STMN1: variants seen among roughly 807,000 people sequenced by gnomAD.
STMN1 encodes stathmin 1.
STMN1 carries 3 observed loss-of-function variants against 19.7 expected under a neutral mutation model. That is an observed-to-expected ratio of 0.15 (90% CI 0.07 to 0.39). The LOEUF (loss-of-function observed/expected upper bound fraction) is 0.39. STMN1 is among the 10% of genes least tolerant of loss of function. The probability of loss-of-function intolerance (pLI) is 1.00; values close to 1 mark genes in which losing one functional copy is unlikely to be tolerated. For missense variants in STMN1, 99 were observed against 176.0 expected, an observed-to-expected ratio of 0.56 and a Z score of 2.48; for synonymous variants, 59 against 58.9, an observed-to-expected ratio of 1.00 and a Z score of -0.01.
chr1:25,897,457 A>T (rs1300474358), downstream of STMN1, among the ~76,000 whole-genome samples: 1 of 152,196 alleles, frequency 6.6e-6, no homozygotes, highest in Non-Finnish European at 1.5e-5. Flanking sequence ...GGGACAGCTA[A>T]AACATCACTG....
downstream of STMN1, among the ~76,000 whole-genome samples, chr1:25,897,994 T>TG (rs2048833866): frequency 1.3e-5 from 2 of 152,196 alleles, no homozygotes; most frequent in Admixed American, 6.5e-5. Context: ...CTCATCCCTG[T>TG]GCTGCCCCAA....
chr1:25,901,319 G>C, intron 4 of STMN1, 172 bp downstream of exon 4: 2 of 1,114,696 alleles, frequency 1.8e-6, no homozygotes, highest in Non-Finnish European at 2.5e-6. Context: ...GTGCAATTAT[G>C]CTGGGAATTA....
Position 25,900,935 on chromosome 1 carries a change from G to C in STMN1, c.*81C>G. ...AGCTTCTAAAATATTTGTCAGGAGG[G>C]AAAAAATAAAATGACACTGGCCAGT... On this transcript the variant is annotated 3_prime_UTR_variant, in exon 5 of 5. Coordinates refer to ENST00000455785, the MANE Select transcript of STMN1 (RefSeq NM_005563.4). The C allele has an allele frequency of 6.2e-7, 1 of 1,604,402 alleles. No individual in the cohort carries two copies. Among genetic ancestry groups the C allele is most frequent in the Non-Finnish European group, 8.5e-7 (1 of 1,176,118 alleles).
chr1:25,891,055 G>A (rs1443552318), intron 4 of STMN1, among the ~76,000 whole-genome samples: 3 of 152,208 alleles, frequency 2.0e-5, no homozygotes, highest in South Asian at 2.1e-4. Flanking sequence ...AATCGGGGCC[G>A]GGCACAGCAG....
intron 1 of STMN1, chr1:25,904,994 A>T (rs1053224645): frequency 1.4e-4 from 47 of 329,944 alleles, no homozygotes; most frequent in Non-Finnish European, 3.3e-5. Context: ...TTTTAAAATC[A>T]GACAAAGTCA....
chr1:25,895,099 CT>C (rs34587140), intron 4 of STMN1, among the ~76,000 whole-genome samples: 2,953 of 113,248 alleles, frequency 0.026, 32 homozygotes, highest in African/African-American at 0.048. Flanking sequence ...TATTATACGT[CT>C]TTTTTTTTTT....
exon 5 of STMN1, chr1:25,885,521 G>T: frequency 1.6e-6 from 1 of 611,952 alleles, no homozygotes; most frequent in Non-Finnish European, 2.6e-6. Context: ...CACAAGGCAG[G>T]CATTTTCATT....
intron 4 of STMN1, among the ~76,000 whole-genome samples, chr1:25,888,791 G>A (rs1189341148): frequency 6.6e-6 from 1 of 152,154 alleles, no homozygotes; most frequent in Non-Finnish European, 1.5e-5. Context: ...TTACCCTGAT[G>A]ATCACAAGAT....
intron 4 of STMN1, among the ~76,000 whole-genome samples, chr1:25,894,234 A>G (rs2048799553): frequency 6.6e-6 from 1 of 152,152 alleles, no homozygotes; most frequent in South Asian, 2.1e-4. Flanking sequence ...TGTGCAGGGT[A>G]CAGTCTGCAC....
intron 4 of STMN1, among the ~76,000 whole-genome samples, chr1:25,893,542 TTTTA>T (rs1407623562): frequency 6.6e-6 from 1 of 150,762 alleles, no homozygotes; most frequent in Non-Finnish European, 1.5e-5. Context: ...GTACAGTGGT[TTTTA>T]TTTATTTTTT....
chr1:25,900,458 T>C lies in STMN1; in HGVS notation c.*558A>G. On this transcript the variant is annotated 3_prime_UTR_variant, in exon 5 of 5. Transcript: ENST00000455785. ...GGGGCAGAGAACGTGCGGTCATTTG[T>C]GCGTTGGGTATTTCTACCAGCCCCA... 1.0e-6 allele frequency: 1 copy of C among 985,860 alleles called. No individual in the cohort carries two copies. Among genetic ancestry groups the C allele is most frequent in the Non-Finnish European group, 1.2e-6 (1 of 829,988 alleles). The allele number at this position is 985,860 out of a possible 1,614,324, so 61.1% of individuals were successfully genotyped here.
At position 25,900,414 on chromosome 1, in the gene STMN1, C is replaced by A; in HGVS notation, c.*602G>T. On this transcript the variant is annotated 3_prime_UTR_variant, in exon 5 of 5. Transcript: ENST00000455785. ...TCATTGTGGAAGGAGACAATGCAAA[C>A]CACACTGGGGCAAGAAACGGGGCAG... is the stretch of plus-strand genomic sequence containing the variant. 1 of 985,818 alleles carries A rather than the reference C, an allele frequency of 1.0e-6. No individual in the cohort carries two copies. Among genetic ancestry groups the A allele is most frequent in the South Asian group, 4.7e-5 (1 of 21,286 alleles). The allele number at this position is 985,818 out of a possible 1,614,324, so 61.1% of individuals were successfully genotyped here.
intron 1 of STMN1, chr1:25,905,444 A>T (rs895789273): frequency 1.3e-5 from 2 of 152,270 alleles, no homozygotes; most frequent in African/African-American, 2.4e-5. Context: ...AGATTTAAGA[A>T]AAGCAGAGAA....
exon 5 of STMN1, chr1:25,885,484 T>TTGGCAG: frequency 2.5e-6 from 1 of 400,054 alleles, no homozygotes; most frequent in Non-Finnish European, 4.4e-6. Context: ...GCCCTCTACG[T>TTGGCAG]TGGCAGTGTC....
At chr1:25,894,712 T>A (rs1437539035) in intron 4 of STMN1, among the ~76,000 whole-genome samples, 1 of 152,122 alleles carries the variant, frequency 6.6e-6, no homozygotes, top group Non-Finnish European at 1.5e-5. Context: ...GGCTCCAATT[T>A]TATTTTTTTA....
At chr1:25,889,765 CA>C (rs1396906311) in intron 4 of STMN1, among the ~76,000 whole-genome samples, 1 of 152,162 alleles carries the variant, frequency 6.6e-6, no homozygotes, top group African/African-American at 2.4e-5. Flanking sequence ...AGACTATAAC[CA>C]AACCCTCGCC....
rs2048718196 is a variant in STMN1, at chr1:25,885,993, A to G, written c.379-124T>C. 6.1e-6 allele frequency: 8 copies of G among 1,314,498 alleles called. No individual in the cohort carries two copies. The South Asian group carries it at 1.5e-4, about 24-fold the overall frequency. 81.4% of individuals were successfully genotyped at this position (1,314,498 alleles called of 1,614,324 possible). On this transcript the variant is annotated intron_variant, in intron 4 of 4. Transcript: ENST00000426559. ...AACTTTGCTACAAATGGAATCATCC[A>G]GGGATCTTTAAAAAATACTGACACC...
intron 4 of STMN1, chr1:25,892,379 AC>A (rs2048783385): frequency 3.7e-6 from 1 of 268,952 alleles, no homozygotes; most frequent in Non-Finnish European, 5.3e-6. Flanking sequence ...ACAGAGCAAG[AC>A]TTTTTTTTTT....
chr1:25,887,876 G>A (rs1298060677), intron 4 of STMN1, among the ~76,000 whole-genome samples: 1 of 152,118 alleles, frequency 6.6e-6, no homozygotes, highest in Non-Finnish European at 1.5e-5. Flanking sequence ...TAATAGAGAC[G>A]GGGTTTCGCC....
Sources: allele counts gnomAD v4.1 joint callset (sites outside exome capture counted in the v4.1 genomes callset), GRCh38; gene constraint gnomAD v4.1.1; transcripts MANE v1.5; gene names NCBI Gene and HGNC (gene_info 2026-07-23, HGNC 2026-07-21).